The following SYTL5 variants were observed in gnomAD, a reference collection of about 807,000 sequenced individuals.
SYTL5 encodes synaptotagmin-like protein 5.
In SYTL5, 34 loss-of-function variants were observed where a neutral mutation model predicts 55.9. The ratio of observed to expected loss-of-function variants is 0.61; its 90% CI spans 0.46 to 0.81. The LOEUF is 0.81. Ranked by LOEUF, SYTL5 falls within the 30% of genes least tolerant of loss-of-function variation. SYTL5 has a pLI of 0.00. For synonymous variants in SYTL5, 221 were observed against 188.7 expected, an observed-to-expected ratio of 1.17 and a Z score of -1.40; for missense variants, 637 against 546.7, an observed-to-expected ratio of 1.17 and a Z score of -1.65.
At chrX:37,931,754 A>G in the SYTL5 span, among the ~76,000 whole-genome samples, 3 of 112,136 alleles carry the variant, frequency 2.7e-5, no homozygotes, top group African/African-American at 6.5e-5. Context: ...AAATTTTAAT[A>G]TAATAAATTT....
In SYTL5 at chrX:38,025,112, T is replaced by C. The variant is rs745943819; in HGVS notation, c.-356-8422T>C. On this transcript the variant is annotated intron_variant, in intron 1 of 16. Coordinates refer to ENST00000297875, the MANE Select transcript of SYTL5 (RefSeq NM_138780.3). The stretch of plus-strand genomic sequence containing the variant: ...GCTTTGCAGGATGACTGCTCCTCTA[T>C]TTGAAAGGCATCCTCAAGGGTATTT... 8.9e-5 allele frequency among the ~76,000 whole-genome samples: 10 copies of C among 112,240 alleles called. No homozygotes were observed. The South Asian group carries it at 3.7e-3, about 42-fold the overall frequency.
chrX:37,968,623 C>T, the SYTL5 span, among the ~76,000 whole-genome samples: 12 of 111,537 alleles, frequency 1.1e-4, no homozygotes, highest in African/African-American at 2.3e-4. Context: ...ACATGGCTTG[C>T]GTATGAAATA....
intron 3 of SYTL5, among the ~76,000 whole-genome samples, chrX:38,056,354 T>A (rs1392727877): frequency 1.8e-5 from 2 of 112,315 alleles, no homozygotes; most frequent in African/African-American, 6.5e-5. Flanking sequence ...ATTTTCTTCA[T>A]CCATTTATCT....
chrX:37,945,266 T>A, the SYTL5 span, among the ~76,000 whole-genome samples: 2 of 112,379 alleles, frequency 1.8e-5, no homozygotes, highest in South Asian at 7.4e-4. Flanking sequence ...TTCTGTTAAC[T>A]GTCCCCCAAC....
At chrX:38,037,986 A>G (rs994755150) in intron 2 of SYTL5, among the ~76,000 whole-genome samples, 2 of 111,437 alleles carry the variant, frequency 1.8e-5, no homozygotes, top group Admixed American at 1.9e-4. Context: ...TCTGGCAGTC[A>G]GTAGCAAGGG....
chrX:37,994,590 G>T, the SYTL5 span: 2 of 114,639 alleles, frequency 1.7e-5, no homozygotes, highest in African/African-American at 6.5e-5. Context: ...CCCAGAACAC[G>T]TGAAGAGGGC....
chrX:37,904,885 C>A, the SYTL5 span, among the ~76,000 whole-genome samples: 2 of 111,116 alleles, frequency 1.8e-5, no homozygotes, highest in African/African-American at 6.6e-5. Flanking sequence ...ACTCTATAAT[C>A]CCTCACCCTT....
the SYTL5 span, among the ~76,000 whole-genome samples, chrX:37,923,329 G>A: frequency 1.6e-4 from 18 of 111,809 alleles, no homozygotes; most frequent in Non-Finnish European, 2.6e-4. Flanking sequence ...TTAGTCTTGA[G>A]TGTGTAGTAA....
intron 1 of SYTL5, among the ~76,000 whole-genome samples, chrX:38,015,385 T>A (rs1158716688): frequency 8.9e-6 from 1 of 112,496 alleles, no homozygotes; most frequent in African/African-American, 3.2e-5. Flanking sequence ...AAGTTCCTTT[T>A]GATCCTCCTC....
At chrX:37,911,473 C>T in the SYTL5 span, among the ~76,000 whole-genome samples, 1 of 111,672 alleles carries the variant, frequency 9.0e-6, no homozygotes. Flanking sequence ...GCAGCTTGCT[C>T]TTCTAGAAGC....
chrX:37,999,984 T>C, the SYTL5 span, among the ~76,000 whole-genome samples: 2 of 111,715 alleles, frequency 1.8e-5, no homozygotes, highest in African/African-American at 6.5e-5. Flanking sequence ...AGCTCATGTG[T>C]TCAATGCCAA....
chrX:38,030,293 A>AGTGAAAAACGTTGGATAATGCC (rs1934915372), intron 1 of SYTL5, among the ~76,000 whole-genome samples: 1 of 111,895 alleles, frequency 8.9e-6, no homozygotes, highest in Non-Finnish European at 1.9e-5. Context: ...TGGATAATGC[A>AGTGAAAAACGTTGGATAATGCC]ATGCAAAACA....
chrX:37,914,994 A>G, the SYTL5 span, among the ~76,000 whole-genome samples: 3 of 111,588 alleles, frequency 2.7e-5, no homozygotes, highest in Non-Finnish European at 3.8e-5. Context: ...AGAAAAACAC[A>G]GTTTGTTGTG....
At chrX:37,991,310 C>T in the SYTL5 span, 34 of 1,069,145 alleles carry the variant, frequency 3.2e-5, no homozygotes, top group Middle Eastern at 1.1e-3. Context: ...GATGTAAATC[C>T]ATGAGTATGT....
the SYTL5 span, among the ~76,000 whole-genome samples, chrX:37,909,680 A>ATT: frequency 0.028 from 2,927 of 102,973 alleles, 119 homozygotes; most frequent in African/African-American, 0.096. Context: ...TTCTGTTTTT[A>ATT]TTTTTTTTTT....
chrX:37,972,240 C>T, the SYTL5 span, among the ~76,000 whole-genome samples: 1 of 111,139 alleles, frequency 9.0e-6, no homozygotes, highest in Non-Finnish European at 1.9e-5. Flanking sequence ...AGCTCAGTTC[C>T]TCACACAAAT....
chrX:37,897,915 T>C, the SYTL5 span, among the ~76,000 whole-genome samples: 3 of 111,403 alleles, frequency 2.7e-5, no homozygotes, highest in African/African-American at 9.8e-5. Context: ...CTGGGCAAGA[T>C]GGTGAAACCC....
intron 9 of SYTL5, among the ~76,000 whole-genome samples, chrX:38,101,564 G>A (rs750149610): frequency 9.1e-6 from 1 of 110,361 alleles, no homozygotes; most frequent in East Asian, 2.8e-4. Context: ...GAAAGGAGGG[G>A]AAGGAGGAGA....
Position 38,120,367 on chromosome X carries a change from G to C in SYTL5, c.1606G>C (p.Ala536Pro). The C allele has an allele frequency of 8.3e-7, 1 of 1,208,284 alleles. No individual in the cohort carries two copies. Residue 536 changes from alanine (A) to proline (P), a missense_variant, in exon 14 of 17, where the codon GCT becomes CCT. Physicochemically the swap from Ala to Pro is conservative, Grantham distance 27. Transcript: ENST00000297875. ...WFVLQPKVEF[A>P]PDIGLQYKGE... ...GTTTCTCCTTGGCCAGGTGGAGTTT[G>C]CTCCTGATATTGGCCTTCAATACAA...
Sources: allele counts gnomAD v4.1 joint callset (sites outside exome capture counted in the v4.1 genomes callset), GRCh38; gene constraint gnomAD v4.1.1; transcripts MANE v1.5; gene names NCBI Gene and HGNC (gene_info 2026-07-23, HGNC 2026-07-21).